C12orf75: variants seen among roughly 807,000 people sequenced by gnomAD.
The protein encoded by C12orf75 is chromosome 12 open reading frame 75.
Under a neutral mutation model 11.4 loss-of-function variants are expected in C12orf75, and 4 were observed. The ratio of observed to expected loss-of-function variants is 0.35; its 90% CI spans 0.17 to 0.80. The LOEUF (loss-of-function observed/expected upper bound fraction) is 0.80. C12orf75 is among the 30% of genes least tolerant of loss of function. The pLI is 0.52. For missense variants in C12orf75, 89 were observed against 80.4 expected, an observed-to-expected ratio of 1.11 and a Z score of -0.41; for synonymous variants, 30 against 30.0, an observed-to-expected ratio of 1.00 and a Z score of 0.00.
intron 4 of C12orf75, among the ~76,000 whole-genome samples, chr12:105,367,013 AG>A (rs1348401631): frequency 6.6e-6 from 1 of 152,244 alleles, no homozygotes; most frequent in Admixed American, 6.5e-5. Flanking sequence ...TAGAACAGAA[AG>A]GTAAATTTCT....
chr12:105,336,438 T>C (rs1218310145), intron 1 of C12orf75, among the ~76,000 whole-genome samples: 1 of 152,110 alleles, frequency 6.6e-6, no homozygotes, highest in Non-Finnish European at 1.5e-5. Flanking sequence ...ATTCAGTGAG[T>C]TAATGTGTGT....
chr12:105,339,540 T>C (rs758248509), intron 1 of C12orf75, among the ~76,000 whole-genome samples: 2 of 152,198 alleles, frequency 1.3e-5, no homozygotes, highest in Non-Finnish European at 2.9e-5. Flanking sequence ...GTATATTTTA[T>C]AAAGTCTAGA....
intron 2 of C12orf75, among the ~76,000 whole-genome samples, chr12:105,358,514 C>T: frequency 6.6e-6 from 1 of 152,130 alleles, no homozygotes; most frequent in East Asian, 1.9e-4. Context: ...GAGCAAGACC[C>T]TGTCTCAGAA....
intron 5 of C12orf75, among the ~76,000 whole-genome samples, chr12:105,368,865 G>A (rs1388712059): frequency 6.6e-6 from 1 of 152,162 alleles, no homozygotes; most frequent in Non-Finnish European, 1.5e-5. Context: ...TGAACAGAGG[G>A]TATTCGGTTT....
At chr12:105,361,079 A>G (rs1025483940) in intron 2 of C12orf75, among the ~76,000 whole-genome samples, 1 of 152,214 alleles carries the variant, frequency 6.6e-6, no homozygotes, top group East Asian at 1.9e-4. Context: ...CCTGCCCTGT[A>G]GATCATTTTA....
chr12:105,368,279 C>T (rs190528214), intron 5 of C12orf75, among the ~76,000 whole-genome samples: 1 of 152,268 alleles, frequency 6.6e-6, no homozygotes, highest in East Asian at 1.9e-4. Context: ...CTGGGCTCTC[C>T]ACTGTATTTC....
At chr12:105,331,919 C>T (rs1892433501) in intron 1 of C12orf75, among the ~76,000 whole-genome samples, 1 of 152,184 alleles carries the variant, frequency 6.6e-6, no homozygotes, top group South Asian at 2.1e-4. Flanking sequence ...GCGGTATTTC[C>T]TAGGCGGCTG....
intron 1 of C12orf75, among the ~76,000 whole-genome samples, chr12:105,339,269 C>A (rs1343997006): frequency 6.6e-6 from 1 of 151,652 alleles, no homozygotes; most frequent in African/African-American, 2.4e-5. Flanking sequence ...GGGACTGTTT[C>A]TTTTCTAAAA....
intron 5 of C12orf75, among the ~76,000 whole-genome samples, chr12:105,369,568 G>A (rs558001927): frequency 8.5e-5 from 13 of 152,076 alleles, no homozygotes; most frequent in South Asian, 4.1e-4. Context: ...GTTTTAAGCC[G>A]CACATGTATT....
intron 5 of C12orf75, among the ~76,000 whole-genome samples, chr12:105,368,591 C>T (rs1053032366): frequency 6.6e-6 from 1 of 152,204 alleles, no homozygotes; most frequent in African/African-American, 2.4e-5. Flanking sequence ...CAGAATCTAA[C>T]CGTTGGCAGA....
chr12:105,354,084 C>A (rs1002064560), intron 2 of C12orf75, among the ~76,000 whole-genome samples: 1 of 152,100 alleles, frequency 6.6e-6, no homozygotes, highest in African/African-American at 2.4e-5. Flanking sequence ...AGATACAGAC[C>A]TTAGGGTATC....
chr12:105,348,582 T>TA lies in C12orf75; in HGVS notation c.47-19dup. 6.6e-7 allele frequency: 1 copy of TA among 1,521,148 alleles called. No homozygotes were observed. Among genetic ancestry groups the TA allele is most frequent in the Non-Finnish European group, 8.9e-7 (1 of 1,125,428 alleles). 94.2% of individuals were successfully genotyped at this position (1,521,148 alleles called of 1,614,324 possible). ...CAATACTATCACACCAATACAAACC[T>TA]ATCTTCTTTTTTTCTCTAGGCCCTG... On this transcript the variant is annotated intron_variant, in intron 1 of 5. Coordinates refer to ENST00000443585, the MANE Select transcript of C12orf75 (RefSeq NM_001145199.2).
chr12:105,354,928 G>A (rs971487759), intron 2 of C12orf75, among the ~76,000 whole-genome samples: 1 of 152,148 alleles, frequency 6.6e-6, no homozygotes, highest in South Asian at 2.1e-4. Flanking sequence ...TGGAGCTGAT[G>A]TTGCAATAAG....
chr12:105,347,973 T>A (rs1892659357), intron 1 of C12orf75, among the ~76,000 whole-genome samples: 1 of 152,250 alleles, frequency 6.6e-6, no homozygotes, highest in South Asian at 2.1e-4. Context: ...CTACCAGTTT[T>A]AAAATTCATA....
intron 1 of C12orf75, among the ~76,000 whole-genome samples, chr12:105,346,948 T>C (rs1370791901): frequency 2.0e-5 from 3 of 152,282 alleles, no homozygotes; most frequent in African/African-American, 7.2e-5. Context: ...GCTATTTTTA[T>C]GTGCCAGCTT....
At chr12:105,351,497 A>G (rs118058238) in intron 2 of C12orf75, among the ~76,000 whole-genome samples, 6 of 152,370 alleles carry the variant, frequency 3.9e-5, no homozygotes, top group Non-Finnish European at 7.3e-5. Context: ...AAGTCAGTAT[A>G]TAATAATAAA....
rs1246200852 is a variant in C12orf75 at position 105,370,926 on chromosome 12, C to T, written c.*326C>T. The T allele has an allele frequency of 6.8e-6, 2 of 293,794 alleles. No homozygotes were observed. Among genetic ancestry groups the T allele is most frequent in the African/African-American group, 4.3e-5 (2 of 46,166 alleles). 18.2% of individuals were successfully genotyped at this position (293,794 alleles called of 1,614,324 possible). On this transcript the variant is annotated 3_prime_UTR_variant, in exon 6 of 6. Transcript: ENST00000443585. ...ATTTTGACAACATTTCCACCCTGGC[C>T]ACTCAGCACATTTCATGGAGGTCAT... is the stretch of plus-strand genomic sequence containing the variant.
intron 2 of C12orf75, among the ~76,000 whole-genome samples, chr12:105,363,187 C>G (rs1287540949): frequency 6.6e-6 from 1 of 152,240 alleles, no homozygotes; most frequent in Non-Finnish European, 1.5e-5. Context: ...GCTTTCTGCA[C>G]CTGGTTCCTC....
chr12:105,366,482 A>T (rs1053827366), intron 3 of C12orf75, 135 bp from the exon 4 acceptor site: 18 of 431,750 alleles, frequency 4.2e-5, no homozygotes, highest in Admixed American at 2.0e-4. Flanking sequence ...CAAGGGCCAT[A>T]ATATTCTAGA....
Sources: gnomAD v4.1 joint callset for allele counts (sites outside exome capture counted in the v4.1 genomes callset) on GRCh38, gnomAD v4.1.1 for gene constraint, MANE v1.5 for transcripts, NCBI Gene and HGNC (gene_info 2026-07-23, HGNC 2026-07-21) for gene names.